LRRC74A: variants seen among roughly 807,000 people sequenced by gnomAD.
LRRC74A encodes leucine rich repeat containing 74A.
Under a neutral mutation model 57.9 loss-of-function variants are expected in LRRC74A, and 44 were observed. The observed-to-expected ratio is 0.76, with a 90% CI of 0.60 to 0.98. The LOEUF (loss-of-function observed/expected upper bound fraction) is 0.98, where lower values mean the gene tolerates loss of function less well. Ranked by LOEUF, LRRC74A falls within the 50% of genes least tolerant of loss-of-function variation. The pLI is 0.00. For missense variants in LRRC74A, 572 were observed against 574.0 expected (o/e 1.00, Z 0.04); for synonymous variants, 211 against 219.4 (o/e 0.96, Z 0.34).
chr14:76,866,642 G>T (rs991474445), intron 12 of LRRC74A, among the ~76,000 whole-genome samples: 6 of 152,134 alleles, frequency 3.9e-5, no homozygotes, highest in Admixed American at 1.3e-4. Flanking sequence ...GCCCAGGCCG[G>T]GGGTGAAGAG....
chr14:76,838,830 G>C (rs1896551640), intron 5 of LRRC74A, among the ~76,000 whole-genome samples: 1 of 152,092 alleles, frequency 6.6e-6, no homozygotes, highest in South Asian at 2.1e-4. Context: ...CAAACTCCTG[G>C]GCTCAAGCAA....
At chr14:76,840,652 G>A (rs111999769) in intron 5 of LRRC74A, among the ~76,000 whole-genome samples, 11,970 of 144,136 alleles carry the variant, frequency 0.083, 1,190 homozygotes, top group African/African-American at 0.24. Context: ...GCACAATCTC[G>A]GCTCACTGCA....
intron 2 of LRRC74A, chr14:76,829,197 C>T: frequency 7.8e-7 from 1 of 1,289,186 alleles, no homozygotes; most frequent in Non-Finnish European, 1.0e-6. Context: ...AAGCCTAGCC[C>T]AGTCACCCTT....
intron 5 of LRRC74A, among the ~76,000 whole-genome samples, chr14:76,839,487 T>C (rs1896601163): frequency 6.6e-6 from 1 of 152,228 alleles, no homozygotes; most frequent in African/African-American, 2.4e-5. Flanking sequence ...GATAATTATA[T>C]TACCTCAGAT....
intron 2 of LRRC74A, chr14:76,828,954 TCCCA>T: frequency 1.6e-6 from 2 of 1,248,464 alleles, no homozygotes; most frequent in Non-Finnish European, 2.1e-6. Context: ...CCAGTGACTT[TCCCA>T]CACTCACCTT....
chr14:76,827,543 A>G (rs528122266), intron 1 of LRRC74A, among the ~76,000 whole-genome samples: 2 of 152,294 alleles, frequency 1.3e-5, no homozygotes, highest in Middle Eastern at 6.8e-3. Context: ...GGCTTTCAGG[A>G]GCCTATGGCT....
At chr14:76,829,531 C>T (rs913570726) in intron 2 of LRRC74A, among the ~76,000 whole-genome samples, 17 of 152,182 alleles carry the variant, frequency 1.1e-4, no homozygotes, top group South Asian at 2.1e-4. Context: ...GCCAAAGGGT[C>T]CTGTTTCTAT....
chr14:76,831,988 C>CTG (rs1896007880), intron 3 of LRRC74A, among the ~76,000 whole-genome samples: 1 of 152,198 alleles, frequency 6.6e-6, no homozygotes, highest in African/African-American at 2.4e-5. Flanking sequence ...AACCTAACAA[C>CTG]TGCCTGTCAG....
rs377559853 is a variant in LRRC74A, at chr14:76,870,198, G to A, written c.*49G>A. ...GTCTCGGCGAGAGGAGTCCTCGCAA[G>A]TCGGATGGTGGCAGGGAGGAGAGCA... On this transcript the variant is annotated 3_prime_UTR_variant, in exon 14 of 14. Coordinates refer to ENST00000689127, the MANE Select transcript of LRRC74A (RefSeq NM_001385106.1). 3 of 1,584,828 alleles carry A rather than the reference G, an allele frequency of 1.9e-6. No individual in the cohort carries two copies. Among genetic ancestry groups the A allele is most frequent in the South Asian group, 1.1e-5 (1 of 87,380 alleles).
intron 11 of LRRC74A, among the ~76,000 whole-genome samples, chr14:76,864,500 C>T (rs1286171985): frequency 6.6e-6 from 1 of 150,640 alleles, no homozygotes; most frequent in Non-Finnish European, 1.5e-5. Flanking sequence ...ACTGTAATAT[C>T]GTAAGGCCGG....
At chr14:76,845,710 C>A (rs1176621650) in intron 7 of LRRC74A, among the ~76,000 whole-genome samples, 1 of 152,164 alleles carries the variant, frequency 6.6e-6, no homozygotes, top group African/African-American at 2.4e-5. Flanking sequence ...AGACACACAA[C>A]CATGAACAAC....
In LRRC74A at chr14:76,860,780, C is replaced by G. The variant is rs768106694; in HGVS notation, c.1141C>G (p.Gln381Glu). The change falls in exon 11 of 14, where the codon CAA becomes GAA. Residue 381 changes from glutamine (Q) to glutamate (E), a missense_variant. Gln to Glu is a conservative substitution (Grantham distance 29). Coordinates refer to ENST00000689127, the MANE Select transcript of LRRC74A (RefSeq NM_001385106.1). The part of the protein sequence containing the change: ...PQLDVVFKAV[Q>E]GLSPKKTIFL... ...GCTGGACGTGGTATTCAAGGCAGTA[C>G]AAGGCCTCTCTCCCAAGAAAACCAT... The G allele has an allele frequency of 1.9e-6, 3 of 1,610,880 alleles. No homozygotes were observed. In the South Asian group the frequency reaches 3.3e-5, roughly 18 times the overall value.
At chr14:76,855,558 C>T (rs1897819642) in intron 9 of LRRC74A, among the ~76,000 whole-genome samples, 1 of 152,190 alleles carries the variant, frequency 6.6e-6, no homozygotes, top group Non-Finnish European at 1.5e-5. Flanking sequence ...ATGGAGACCA[C>T]ATCAACTTTG....
intron 5 of LRRC74A, among the ~76,000 whole-genome samples, chr14:76,838,926 T>C (rs1351916328): frequency 6.6e-6 from 1 of 152,206 alleles, no homozygotes; most frequent in Non-Finnish European, 1.5e-5. Context: ...TTAACATAAA[T>C]GTTTTTACAT....
At chr14:76,837,734 C>A in intron 4 of LRRC74A, 141 bp from the exon 5 acceptor site, 1 of 450,588 alleles carries the variant, frequency 2.2e-6, no homozygotes, top group Non-Finnish European at 3.9e-6. Context: ...TCCTTGGCAC[C>A]TCCCTAATCC....
intron 11 of LRRC74A, among the ~76,000 whole-genome samples, chr14:76,862,734 C>T (rs1248839308): frequency 2.0e-5 from 3 of 152,032 alleles, no homozygotes; most frequent in Non-Finnish European, 2.9e-5. Context: ...GGTGTTCCGG[C>T]GAGAGGCTCC....
At chr14:76,856,224 G>GC (rs1278223814) in intron 9 of LRRC74A, among the ~76,000 whole-genome samples, 1 of 151,950 alleles carries the variant, frequency 6.6e-6, no homozygotes, top group Non-Finnish European at 1.5e-5. Flanking sequence ...CTCTGGTTTT[G>GC]CCCCCCTTCC....
At position 76,853,358 on chromosome 14, in the gene LRRC74A, C is replaced by A; in HGVS notation, c.905C>A (p.Ala302Asp). 1 of 1,612,624 alleles carries A rather than the reference C, an allele frequency of 6.2e-7. No individual in the cohort carries two copies. The highest frequency in any genetic ancestry group is 8.5e-7 in the Non-Finnish European group (1 of 1,179,618). The change falls in exon 9 of 14, where the codon GCC becomes GAC. Residue 302 changes from alanine to aspartate, a missense_variant. Physicochemically the swap from Ala to Asp is moderately radical, Grantham distance 126 (BLOSUM62 -2). Transcript: ENST00000689127. ...IGGNDIGNEG[A>D]SKISKGLESN... Reference sequence around the variant, plus strand: ...GGCAATGACATCGGCAATGAAGGGGCCTCCAAAATCAGCAAAGGACTGGAA... The same window carrying A: ...GGCAATGACATCGGCAATGAAGGGGACTCCAAAATCAGCAAAGGACTGGAA...
At chr14:76,850,725 G>C (rs577734758) in intron 7 of LRRC74A, among the ~76,000 whole-genome samples, 5 of 152,008 alleles carry the variant, frequency 3.3e-5, no homozygotes, top group Non-Finnish European at 5.9e-5. Context: ...AAAATTAGCT[G>C]GGCGTGGTGG....
Sources: allele counts gnomAD v4.1 joint callset (sites outside exome capture counted in the v4.1 genomes callset), GRCh38; gene constraint gnomAD v4.1.1; transcripts MANE v1.5; gene names NCBI Gene and HGNC (gene_info 2026-07-23, HGNC 2026-07-21).